Variants in FER observed in about 807,000 individuals in gnomAD.
FER encodes FER tyrosine kinase.
Under a neutral mutation model 111.0 loss-of-function variants are expected in FER, and 63 were observed. That is an observed-to-expected ratio of 0.57 (90% CI 0.46 to 0.70). The LOEUF is 0.70. FER is among the 30% of genes least tolerant of loss of function. FER has a pLI of 0.00. For synonymous variants in FER, 327 were observed against 313.9 expected (o/e 1.04, Z -0.44); for missense variants, 914 against 954.0 (o/e 0.96, Z 0.55).
intron 13 of FER, among the ~76,000 whole-genome samples, chr5:109,025,961 G>T (rs929683221): frequency 6.6e-6 from 1 of 152,090 alleles, no homozygotes; most frequent in Non-Finnish European, 1.5e-5. Flanking sequence ...CACCTGCATT[G>T]CTTCCTTTGG....
chr5:108,993,617 A>AGGGCG lies in FER; in HGVS notation c.1656+34270_1656+34271insGGGCG, dbSNP rs1561737107. Among the ~76,000 whole-genome samples the AGGGCG allele has an allele frequency of 9.0e-3, 947 of 105,010 alleles. 14 individuals are homozygous for AGGGCG. Among genetic ancestry groups the AGGGCG allele is most frequent in the African/African-American group, 0.031 (848 of 27,236 alleles). 68.9% of individuals were successfully genotyped at this position (105,010 alleles called of 152,430 possible). ...AGAGGGCGAGGGCGAGGGAGAGGGCAAGGGCGAGGGCGAGGGTGAGGGCGA... is the reference window on the plus strand; with the variant it reads ...AGAGGGCGAGGGCGAGGGAGAGGGCAGGGCGAGGGCGAGGGCGAGGGTGAGGGCGA... On this transcript the variant is annotated intron_variant, in intron 13 of 19. Coordinates refer to ENST00000281092, the MANE Select transcript of FER (RefSeq NM_005246.4).
At chr5:108,748,072 A>G (rs2149890815) in intron 1 of FER, 72 bp downstream of exon 1, 1 of 152,370 alleles carries the variant, frequency 6.6e-6, no homozygotes, top group Non-Finnish European at 1.5e-5. Context: ...CAATTCCAGC[A>G]TTGAGTTTCT....
chr5:108,890,734 C>T (rs1747913202), intron 9 of FER, among the ~76,000 whole-genome samples: 1 of 152,030 alleles, frequency 6.6e-6, no homozygotes, highest in Non-Finnish European at 1.5e-5. Flanking sequence ...GCATATCTTC[C>T]TGGGGGATAC....
chr5:108,752,963 G>A (rs1750662415), intron 1 of FER, among the ~76,000 whole-genome samples: 1 of 151,992 alleles, frequency 6.6e-6, no homozygotes. Context: ...TTATTTTAGA[G>A]TCAGATAATC....
At chr5:108,897,371 T>C (rs1749299798) in intron 9 of FER, among the ~76,000 whole-genome samples, 2 of 152,216 alleles carry the variant, frequency 1.3e-5, no homozygotes, top group Non-Finnish European at 2.9e-5. Context: ...CCTAAGTGTC[T>C]ACTCTGTGAG....
intron 10 of FER, among the ~76,000 whole-genome samples, chr5:108,929,930 A>T (rs1018516820): frequency 2.0e-5 from 3 of 152,206 alleles, no homozygotes; most frequent in African/African-American, 7.2e-5. Flanking sequence ...TTTTAAAGAT[A>T]TGGCTGAATG....
intron 17 of FER, among the ~76,000 whole-genome samples, chr5:109,107,073 T>G (rs1749024110): frequency 6.6e-6 from 1 of 152,160 alleles, no homozygotes; most frequent in African/African-American, 2.4e-5. Context: ...AGTAGTACAT[T>G]AAGGCTATTT....
At chr5:109,169,861 C>A (rs983810447) in intron 17 of FER, among the ~76,000 whole-genome samples, 1 of 152,166 alleles carries the variant, frequency 6.6e-6, no homozygotes, top group African/African-American at 2.4e-5. Context: ...ATTATTGGCA[C>A]TCTTGGTAAA....
chr5:108,840,372 A>G (rs977966630), intron 5 of FER, among the ~76,000 whole-genome samples: 1 of 152,200 alleles, frequency 6.6e-6, no homozygotes, highest in African/African-American at 2.4e-5. Flanking sequence ...CTTTTGCACC[A>G]ATCTAATAGT....
intron 10 of FER, among the ~76,000 whole-genome samples, chr5:108,945,753 C>G (rs750498239): frequency 6.6e-6 from 1 of 151,788 alleles, no homozygotes; most frequent in African/African-American, 2.4e-5. Flanking sequence ...CAACTATAGT[C>G]CTATCCGAAA....
At chr5:109,099,909 A>G (rs984816212) in intron 16 of FER, among the ~76,000 whole-genome samples, 1 of 151,618 alleles carries the variant, frequency 6.6e-6, no homozygotes, top group African/African-American at 2.4e-5. Context: ...GCTATCAGTT[A>G]TGTTGGTGTG....
chr5:108,962,653 T>TG (rs1293940370), intron 13 of FER, among the ~76,000 whole-genome samples: 1 of 152,254 alleles, frequency 6.6e-6, no homozygotes, highest in Non-Finnish European at 1.5e-5. Context: ...CACTGAGCAA[T>TG]GGCTAGGAGC....
At chr5:108,845,029 TATATATATATAC>T (rs1462838009) in intron 5 of FER, among the ~76,000 whole-genome samples, 18 of 56,476 alleles carry the variant, frequency 3.2e-4, no homozygotes, top group African/African-American at 6.8e-4. Context: ...TATATATATA[TATATATATATAC>T]ATATATATAT....
intron 5 of FER, among the ~76,000 whole-genome samples, chr5:108,845,009 T>TATATATATATAC (rs1761778152): frequency 3.0e-5 from 1 of 33,128 alleles, no homozygotes; most frequent in Non-Finnish European, 5.7e-5. Flanking sequence ...TATATATATA[T>TATATATATATAC]ATATATATAT....
intron 16 of FER, among the ~76,000 whole-genome samples, chr5:109,070,486 G>A (rs1775642596): frequency 6.6e-6 from 1 of 151,912 alleles, no homozygotes; most frequent in African/African-American, 2.4e-5. Context: ...GTGAAATTTA[G>A]GTGTTCCCTG....
intron 10 of FER, among the ~76,000 whole-genome samples, chr5:108,942,952 C>T (rs1756474520): frequency 1.3e-5 from 2 of 152,088 alleles, no homozygotes. Context: ...AAGTAGCTGG[C>T]TGTTCCTACA....
rs548226503 is a variant in FER, at chr5:109,161,185, T to C, written c.2049-19562T>C. On this transcript the variant is annotated intron_variant, in intron 17 of 19. Coordinates refer to ENST00000281092, the MANE Select transcript of FER (RefSeq NM_005246.4). ...TTATAAAAGGTTCTTTATTTAAATA[T>C]CCTTTTCAAATAGTGTCTGTAGGAT... Among the ~76,000 whole-genome samples the C allele has an allele frequency of 2.0e-5, 3 of 152,306 alleles. No individual in the cohort carries two copies. The East Asian group carries it at 5.8e-4, about 29-fold the overall frequency.
At chr5:109,107,259 G>A (rs1749051208) in intron 17 of FER, among the ~76,000 whole-genome samples, 1 of 152,090 alleles carries the variant, frequency 6.6e-6, no homozygotes. Flanking sequence ...ATTACAAATG[G>A]TTACAGTTAC....
intron 2 of FER, among the ~76,000 whole-genome samples, chr5:108,781,781 A>C (rs772385347): frequency 6.6e-6 from 1 of 152,162 alleles, no homozygotes; most frequent in Non-Finnish European, 1.5e-5. Flanking sequence ...CCTTCCTATA[A>C]GTTAGTTAGA....
Sources: allele counts gnomAD v4.1 joint callset (sites outside exome capture counted in the v4.1 genomes callset), GRCh38; gene constraint gnomAD v4.1.1; transcripts MANE v1.5; gene names NCBI Gene and HGNC (gene_info 2026-07-23, HGNC 2026-07-21).